The following DGKZ variants were observed in gnomAD, a reference collection of about 807,000 sequenced individuals.
DGKZ encodes DAG kinase zeta.
DGKZ carries 45 observed loss-of-function variants against 142.5 expected under a neutral mutation model. The ratio of observed to expected loss-of-function variants is 0.32; its 90% CI spans 0.25 to 0.40. DGKZ has a LOEUF of 0.40. Among genes scored for constraint, DGKZ ranks in the 10% least tolerant of loss-of-function variants. The pLI is 1.00. For missense variants in DGKZ, 755 were observed against 1,306.5 expected (o/e 0.58, Z 6.51); for synonymous variants, 442 against 527.0 (o/e 0.84, Z 2.21).
intron 1 of DGKZ, among the ~76,000 whole-genome samples, chr11:46,337,081 G>A (rs1940051788): frequency 6.6e-6 from 1 of 152,064 alleles, no homozygotes; most frequent in East Asian, 1.9e-4. Flanking sequence ...CTGGGGGAAA[G>A]GAAAAGTCAC....
At chr11:46,338,247 C>T (rs1050796252) in intron 1 of DGKZ, among the ~76,000 whole-genome samples, 8 of 151,998 alleles carry the variant, frequency 5.3e-5, no homozygotes, top group Admixed American at 2.0e-4. Flanking sequence ...CTGTAATCTC[C>T]GCACTTTGGG....
intron 1 of DGKZ, among the ~76,000 whole-genome samples, chr11:46,350,210 G>A (rs982261674): frequency 6.6e-6 from 1 of 152,150 alleles, no homozygotes; most frequent in Admixed American, 6.6e-5. Flanking sequence ...CTCCTGGCAG[G>A]CCTGGGAGCT....
chr11:46,373,238 AAT>A, intron 14 of DGKZ, 137 bp downstream of exon 14: 1 of 946,166 alleles, frequency 1.1e-6, no homozygotes, highest in Non-Finnish European at 1.5e-6. Flanking sequence ...CGATGGGAAT[AAT>A]AGTACTTGCC....
At chr11:46,370,106 G>A in intron 6 of DGKZ, 97 bp downstream of exon 6, 2 of 1,473,132 alleles carry the variant, frequency 1.4e-6, no homozygotes, top group Non-Finnish European at 1.9e-6. Context: ...ACCACACCCT[G>A]GTGTGCAGAG....
chr11:46,372,309 C>G lies in DGKZ; in HGVS notation c.928-119C>G. On this transcript the variant is annotated intron_variant, in intron 10 of 30. Transcript: ENST00000527911. The surrounding 1 kb of genome is among the most constrained non-coding windows in gnomAD (Gnocchi z 5.9). ...CCAGGGATCCTGAGAAAATCCTGTC[C>G]TTTCTCCACCCCTCACCCCTTATTG... 7.4e-7 allele frequency: 1 copy of G among 1,345,470 alleles called. No homozygotes were observed. The highest frequency in any genetic ancestry group is 1.0e-6 in the Non-Finnish European group (1 of 964,274). 83.3% of individuals were successfully genotyped at this position (1,345,470 alleles called of 1,614,324 possible). A position where few individuals can be genotyped will look rare whatever the true frequency, so the allele number is the denominator to read the frequency against.
upstream of DGKZ, chr11:46,347,256 G>C: frequency 2.1e-6 from 2 of 957,578 alleles, no homozygotes; most frequent in Non-Finnish European, 2.5e-6. This position sits in a 1 kb window ranked among gnomAD's most constrained non-coding sequence, Gnocchi z 6.4. Flanking sequence ...CCATCCAGGC[G>C]GGCCGGGCCG....
At chr11:46,373,429 G>A (rs911498228) in intron 14 of DGKZ, among the ~76,000 whole-genome samples, 1 of 150,706 alleles carries the variant, frequency 6.6e-6, no homozygotes, top group African/African-American at 2.4e-5. Context: ...TGGGATTATA[G>A]GCAGGTGCCA....
upstream of DGKZ, among the ~76,000 whole-genome samples, chr11:46,344,451 ATT>A (rs552917575): frequency 2.2e-4 from 29 of 133,852 alleles, no homozygotes; most frequent in African/African-American, 2.5e-4. Flanking sequence ...CATGAGCTCA[ATT>A]TTTTTTTTTT....
At chr11:46,332,952 T>G (rs1939842537) in exon 1 of DGKZ, 1 of 244,366 alleles carries the variant, frequency 4.1e-6, no homozygotes, top group African/African-American at 2.3e-5. Context: ...GCAGCGGCGG[T>G]TGCAGGAGCT....
intron 5 of DGKZ, 96 bp from the exon 6 acceptor site, chr11:46,369,845 T>A: frequency 4.5e-6 from 6 of 1,347,142 alleles, no homozygotes; most frequent in Non-Finnish European, 6.4e-6. Flanking sequence ...TGCAGAGCGC[T>A]TCCTGCAGCC....
chr11:46,346,907 G>A (rs546090434), upstream of DGKZ, among the ~76,000 whole-genome samples: 5 of 152,356 alleles, frequency 3.3e-5, no homozygotes, highest in Admixed American at 2.6e-4. Flanking sequence ...GAGTCATTAA[G>A]TGACTTTGGT....
chr11:46,366,741 C>T (rs1187824180), intron 1 of DGKZ: 1 of 1,551,546 alleles, frequency 6.4e-7, no homozygotes. Flanking sequence ...CTGCGCCGAG[C>T]CTCCTCCCAC....
At chr11:46,373,249 C>G (rs904574334) in intron 14 of DGKZ, 148 bp downstream of exon 14, 15 of 782,092 alleles carry the variant, frequency 1.9e-5, no homozygotes, top group African/African-American at 1.1e-4. Context: ...ATAGTACTTG[C>G]CTCACAAGAT....
chr11:46,364,546 A>G (rs1943046867), intron 1 of DGKZ: 1 of 985,176 alleles, frequency 1.0e-6, no homozygotes, highest in African/African-American at 1.7e-5. Flanking sequence ...GCAGCTGGAA[A>G]CTCCAATAGG....
At chr11:46,344,344 G>C (rs116737164), upstream of DGKZ, among the ~76,000 whole-genome samples, 1 of 152,016 alleles carries the variant, frequency 6.6e-6, no homozygotes, top group East Asian at 1.9e-4. Context: ...TATGTTCTCC[G>C]ATACGGTGCC....
chr11:46,365,838 C>CT (rs1943184687), intron 1 of DGKZ: 1 of 985,428 alleles, frequency 1.0e-6, no homozygotes, highest in Non-Finnish European at 1.2e-6. Flanking sequence ...TCCCCATTTT[C>CT]TTTTTGTTTT....
downstream of DGKZ, chr11:46,380,360 C>T (rs576463862): frequency 5.6e-5 from 9 of 160,356 alleles, 1 homozygote; most frequent in East Asian, 1.7e-3. Flanking sequence ...ACCCCACCTC[C>T]TCCGGGCTTC....
intron 6 of DGKZ, 110 bp downstream of exon 6, chr11:46,370,119 C>T (rs965629789): frequency 2.9e-5 from 39 of 1,362,692 alleles, no homozygotes; most frequent in Non-Finnish European, 3.2e-5. Context: ...GTGCAGAGTC[C>T]GGGGCTGACC....
At position 46,374,591 on chromosome 11, in the gene DGKZ, C is replaced by G; in HGVS notation, c.1462-13C>G. On this transcript the variant is annotated splice_polypyrimidine_tract_variant and intron_variant, in intron 16 of 30. Coordinates refer to ENST00000527911, the Ensembl canonical transcript of DGKZ. Reference sequence around the variant, plus strand: ...CTCTGTCAGCAGATGGTGACGCCCTCTGTCTCCCACAGACAGCTTTCTCTG... The same window carrying G: ...CTCTGTCAGCAGATGGTGACGCCCTGTGTCTCCCACAGACAGCTTTCTCTG... 1 of 1,587,234 alleles carries G rather than the reference C, an allele frequency of 6.3e-7. No homozygotes were observed.
Sources: gnomAD v4.1 joint callset for allele counts (sites outside exome capture counted in the v4.1 genomes callset) on GRCh38, gnomAD v4.1.1 for gene constraint, Gnocchi (gnomAD v3.1) non-coding constraint, MANE v1.5 for transcripts, NCBI Gene and HGNC (gene_info 2026-07-23, HGNC 2026-07-21) for gene names.